Variants in ADAM19 observed in about 807,000 individuals in gnomAD.
ADAM19 encodes the protein disintegrin and metalloproteinase domain-containing protein 19.
ADAM19 carries 65 observed loss-of-function variants against 114.7 expected under a neutral mutation model. The ratio of observed to expected loss-of-function variants is 0.57; its 90% confidence interval spans 0.46 to 0.70. The LOEUF (loss-of-function observed/expected upper bound fraction) is 0.70. Ranked by LOEUF, ADAM19 falls within the 30% of genes least tolerant of loss-of-function variation. ADAM19 has a pLI of 0.00. For synonymous variants in ADAM19, 466 were observed against 460.5 expected (o/e 1.01, Z -0.15); for missense variants, 1,063 against 1,204.7 (o/e 0.88, Z 1.74).
At chr5:157,563,941 T>C (rs1422647774) in intron 3 of ADAM19, among the ~76,000 whole-genome samples, 2 of 152,104 alleles carry the variant, frequency 1.3e-5, no homozygotes, top group African/African-American at 4.8e-5. Context: ...CATGGAACAA[T>C]CTGAGTCTGA....
chr5:157,503,115 T>C (rs1755621207), intron 11 of ADAM19, 135 bp from the exon 12 acceptor site: 4 of 676,220 alleles, frequency 5.9e-6, no homozygotes, highest in East Asian at 2.7e-5. Flanking sequence ...CTCACACACA[T>C]ACATTCTGGC....
At chr5:157,564,273 T>C in intron 3 of ADAM19, 100 bp downstream of exon 3, 1 of 1,072,588 alleles carries the variant, frequency 9.3e-7, no homozygotes, top group Non-Finnish European at 1.4e-6. Context: ...GAGCTTGGGG[T>C]CACTCCATTG....
intron 2 of ADAM19, chr5:157,570,365 T>C (rs1001776026): frequency 2.6e-5 from 4 of 152,446 alleles, no homozygotes; most frequent in African/African-American, 9.7e-5. Context: ...AACAGGACAG[T>C]GTTTTTTGTT....
Position 157,509,295 on chromosome 5 carries a change from A to AT in ADAM19, c.905+5dup. 1 of 1,604,806 alleles carries AT rather than the reference A, an allele frequency of 6.2e-7. No individual in the cohort carries two copies. The highest frequency in any genetic ancestry group is 8.5e-7 in the Non-Finnish European group (1 of 1,174,168). On this transcript the variant is annotated splice_donor_region_variant and intron_variant, in intron 9 of 22. Transcript: ENST00000257527. Reference sequence around the variant, plus strand: ...ACAACACAACATATGGAAAAAGGCTATTTACGTGATTAATTGGGCGTTGTC... The same window carrying AT: ...ACAACACAACATATGGAAAAAGGCTATTTTACGTGATTAATTGGGCGTTGTC...
chr5:157,497,822 G>T (rs551484618), intron 13 of ADAM19, among the ~76,000 whole-genome samples: 2 of 152,178 alleles, frequency 1.3e-5, no homozygotes, highest in Non-Finnish European at 2.9e-5. Context: ...CAGCCTCCCT[G>T]GGTAGTCGGT....
At chr5:157,557,398 A>T (rs950568854) in intron 3 of ADAM19, among the ~76,000 whole-genome samples, 4 of 152,184 alleles carry the variant, frequency 2.6e-5, no homozygotes, top group African/African-American at 9.7e-5. Context: ...GAATCAACAC[A>T]TCTAGGCTAT....
At chr5:157,509,941 T>A (rs1221407468) in intron 8 of ADAM19, among the ~76,000 whole-genome samples, 1 of 152,236 alleles carries the variant, frequency 6.6e-6, no homozygotes, top group African/African-American at 2.4e-5. Context: ...AAGCTGGTCA[T>A]GAGATAGCTC....
intron 3 of ADAM19, among the ~76,000 whole-genome samples, chr5:157,538,519 C>T (rs1455102421): frequency 6.6e-6 from 1 of 152,252 alleles, no homozygotes; most frequent in East Asian, 1.9e-4. Context: ...GAGATACTGC[C>T]AGGTCTGAAC....
At position 157,494,808 on chromosome 5, in the gene ADAM19, G is replaced by A. The variant is rs1755302292; in HGVS notation, c.1595-13C>T. 1.9e-6 allele frequency: 3 copies of A among 1,609,460 alleles called. No individual in the cohort carries two copies. The highest frequency in any genetic ancestry group is 2.2e-5 in the South Asian group (2 of 90,966). Reference sequence around the variant, plus strand: ...GCAGGTCGGGCTCCTGGGTGGGCAAGCAACATCTATCAGTATACTCATCTG... The same window carrying A: ...GCAGGTCGGGCTCCTGGGTGGGCAAACAACATCTATCAGTATACTCATCTG... On this transcript the variant is annotated splice_polypyrimidine_tract_variant and intron_variant, in intron 14 of 22. Coordinates refer to ENST00000257527, the MANE Select transcript of ADAM19 (RefSeq NM_033274.5).
intron 3 of ADAM19, among the ~76,000 whole-genome samples, chr5:157,557,819 G>A (rs898888949): frequency 3.3e-5 from 5 of 152,230 alleles, no homozygotes; most frequent in African/African-American, 7.2e-5. Flanking sequence ...CCTCATAAAC[G>A]AATCATATCC....
intron 3 of ADAM19, among the ~76,000 whole-genome samples, chr5:157,549,968 T>C (rs935058457): frequency 4.6e-5 from 7 of 152,194 alleles, no homozygotes; most frequent in Non-Finnish European, 1.0e-4. Flanking sequence ...TCAAAAACTT[T>C]ACCCGAAGTG....
At chr5:157,574,663 C>A (rs1165674748) in intron 1 of ADAM19, among the ~76,000 whole-genome samples, 4 of 152,180 alleles carry the variant, frequency 2.6e-5, no homozygotes, top group Admixed American at 6.5e-5. Flanking sequence ...TAAGCCTTCT[C>A]CGGTCATAAT....
intron 20 of ADAM19, 151 bp from the exon 21 acceptor site, chr5:157,488,640 A>G: frequency 1.6e-6 from 1 of 619,922 alleles, no homozygotes; most frequent in Non-Finnish European, 2.8e-6. Context: ...GCAACCTTTA[A>G]AGTCATTAGG....
intron 3 of ADAM19, among the ~76,000 whole-genome samples, chr5:157,561,104 G>C (rs1757497440): frequency 6.6e-6 from 1 of 152,164 alleles, no homozygotes; most frequent in East Asian, 1.9e-4. Flanking sequence ...ATCCCTAAAG[G>C]GTCACTGTTT....
intron 2 of ADAM19, chr5:157,568,555 G>T (rs1325339166): frequency 6.6e-6 from 1 of 151,848 alleles, no homozygotes; most frequent in Non-Finnish European, 1.5e-5. Context: ...CCTCTCCTAG[G>T]GATGGGTTAA....
chr5:157,477,465 A>T lies in ADAM19; in HGVS notation c.*3484T>A. The T allele has an allele frequency of 1.9e-6, 2 of 1,037,850 alleles. No homozygotes were observed. Among genetic ancestry groups the T allele is most frequent in the Non-Finnish European group, 2.3e-6 (2 of 857,924 alleles). The allele number at this position is 1,037,850 out of a possible 1,614,324, so 64.3% of individuals were successfully genotyped here. The stretch of plus-strand genomic sequence containing the variant: ...CTGTTTTCCGTGAACAATCTCCCAA[A>T]TAAAAAGAAAATTCACATTGCCCTG... On this transcript the variant is annotated 3_prime_UTR_variant, in exon 23 of 23. Coordinates refer to ENST00000257527, the MANE Select transcript of ADAM19 (RefSeq NM_033274.5).
intron 5 of ADAM19, among the ~76,000 whole-genome samples, chr5:157,529,259 C>A (rs2113753868): frequency 6.6e-6 from 1 of 150,504 alleles, no homozygotes; most frequent in African/African-American, 2.5e-5. Context: ...TACAGACAAT[C>A]AAAACCCAGG....
At chr5:157,567,566 G>T (rs1342004464) in intron 2 of ADAM19, among the ~76,000 whole-genome samples, 1 of 152,188 alleles carries the variant, frequency 6.6e-6, no homozygotes, top group Non-Finnish European at 1.5e-5. Flanking sequence ...GGGAGGCCAA[G>T]GTGGGCGGAT....
intron 3 of ADAM19, among the ~76,000 whole-genome samples, chr5:157,549,915 A>G (rs1757142605): frequency 6.6e-6 from 1 of 152,246 alleles, no homozygotes; most frequent in African/African-American, 2.4e-5. Context: ...GTAATACCAT[A>G]TAGCAATAAG....
Sources: gnomAD v4.1 joint callset for allele counts (sites outside exome capture counted in the v4.1 genomes callset) on GRCh38, gnomAD v4.1.1 for gene constraint, MANE v1.5 for transcripts, NCBI Gene and HGNC (gene_info 2026-07-23, HGNC 2026-07-21) for gene names.